The following BPTF variants were observed in gnomAD, a reference collection of about 807,000 sequenced individuals.
The protein encoded by BPTF is nucleosome-remodeling factor subunit BPTF.
A neutral mutation model predicts 292.5 loss-of-function variants in BPTF; 18 were observed. The ratio of observed to expected loss-of-function variants is 0.06; its 90% confidence interval spans 0.04 to 0.09. BPTF has a LOEUF of 0.09. Among genes scored for constraint, BPTF ranks in the 10% least tolerant of loss-of-function variants. The pLI, the probability that BPTF is intolerant of heterozygous loss-of-function variation, is 1.00. For missense variants in BPTF, 2,726 were observed against 3,498.7 expected (o/e 0.78, Z 5.57); for synonymous variants, 1,225 against 1,251.9 (o/e 0.98, Z 0.45).
chr17:67,972,387 C>G (rs1046748503), intron 26 of BPTF, among the ~76,000 whole-genome samples: 3 of 152,054 alleles, frequency 2.0e-5, no homozygotes, highest in Non-Finnish European at 4.4e-5. Context: ...AGGCGCCCAC[C>G]ACCATACCTA....
At chr17:67,924,076 G>A (rs2063666080) in intron 14 of BPTF, among the ~76,000 whole-genome samples, 1 of 152,008 alleles carries the variant, frequency 6.6e-6, no homozygotes, top group African/African-American at 2.4e-5. Flanking sequence ...TCGGCTCACT[G>A]CAAACTCCAC....
intron 1 of BPTF, among the ~76,000 whole-genome samples, chr17:67,850,295 C>T (rs191495222): frequency 1.3e-5 from 2 of 152,218 alleles, no homozygotes; most frequent in South Asian, 2.1e-4. Flanking sequence ...TGTATTCATC[C>T]GTAAGTAGTA....
At chr17:67,855,756 A>G (rs1009055271) in intron 2 of BPTF, among the ~76,000 whole-genome samples, 14 of 152,352 alleles carry the variant, frequency 9.2e-5, no homozygotes, top group African/African-American at 3.4e-4. Flanking sequence ...GAAGTCTTCA[A>G]AGCCCTCTTC....
chr17:67,903,964 G>A, intron 8 of BPTF, 46 bp downstream of exon 8: 1 of 1,507,334 alleles, frequency 6.6e-7, no homozygotes, highest in Non-Finnish European at 8.9e-7. Flanking sequence ...CCATTTCTGA[G>A]ACTTTTATTC....
chr17:67,976,716 T>TAAGAC (rs55890520), intron 27 of BPTF, among the ~76,000 whole-genome samples: 27,354 of 126,420 alleles, frequency 0.22, 4,336 homozygotes, highest in East Asian at 0.66. Context: ...AAAAAAAAAA[T>TAAGAC]AAGAATAAAA....
intron 3 of BPTF, among the ~76,000 whole-genome samples, chr17:67,872,662 C>A (rs1037923628): frequency 6.6e-6 from 1 of 151,576 alleles, no homozygotes; most frequent in African/African-American, 2.4e-5. Context: ...GTCGAGATCA[C>A]GCCACTGCAC....
chr17:67,977,241 A>C (rs1385220334), intron 27 of BPTF, among the ~76,000 whole-genome samples: 1 of 152,152 alleles, frequency 6.6e-6, no homozygotes, highest in Non-Finnish European at 1.5e-5. Context: ...TTGGCCAGGC[A>C]TGGTGGCTCA....
intron 26 of BPTF, among the ~76,000 whole-genome samples, chr17:67,967,432 A>G (rs1017610477): frequency 1.3e-5 from 2 of 151,878 alleles, no homozygotes. Context: ...GTGAGCCACC[A>G]TACCCGGCCA....
intron 9 of BPTF, among the ~76,000 whole-genome samples, chr17:67,909,267 G>T (rs986135186): frequency 8.1e-6 from 1 of 122,754 alleles, no homozygotes; most frequent in Non-Finnish European, 1.7e-5. Context: ...ACCGCACCAG[G>T]TCCCCCCCCC....
intron 1 of BPTF, among the ~76,000 whole-genome samples, chr17:67,844,070 C>CTTTTTTTTT (rs35407119): frequency 1.1e-5 from 1 of 94,352 alleles, no homozygotes; most frequent in East Asian, 4.3e-4. Flanking sequence ...CGGCCCCCGC[C>CTTTTTTTTT]TTTTTTTTTT....
intron 7 of BPTF, among the ~76,000 whole-genome samples, chr17:67,901,126 C>T (rs2061807299): frequency 6.6e-6 from 1 of 151,842 alleles, no homozygotes; most frequent in African/African-American, 2.4e-5. Context: ...TTTGAAGCTT[C>T]AATAATTTGT....
Position 67,826,067 on chromosome 17 carries a change from A to G in BPTF, c.343A>G (p.Thr115Ala). The G allele has an allele frequency of 7.8e-7, 1 of 1,274,342 alleles. No homozygotes were observed. The highest frequency in any genetic ancestry group is 2.9e-5 in the East Asian group (1 of 33,924). The allele number at this position is 1,274,342 out of a possible 1,614,324, so 78.9% of individuals were successfully genotyped here. Reference sequence around the variant, plus strand: ...CGGCGGCGGCCACCTGGCCCGGACCACCGCGGCCCGGAGGGCCGTCAACAA... The same window carrying G: ...CGGCGGCGGCCACCTGGCCCGGACCGCCGCGGCCCGGAGGGCCGTCAACAA... ...GGGGGHLART[T>A]AARRAVNKVV... The change falls in exon 1 of 28, where the codon ACC becomes GCC. Residue 115 changes from threonine to alanine, a missense_variant. By Grantham distance (58) the Thr-to-Ala change is moderately conservative. This residue lies in a region of BPTF where 153 missense variants were observed against 178.3 expected (regional missense o/e 0.86). Coordinates refer to ENST00000306378, the MANE Select transcript of BPTF (RefSeq NM_182641.4).
chr17:67,916,584 C>G (rs2063006733), intron 11 of BPTF, among the ~76,000 whole-genome samples: 1 of 151,162 alleles, frequency 6.6e-6, no homozygotes, highest in Admixed American at 6.6e-5. Flanking sequence ...GAGCAAAACT[C>G]CGTCTCAAAA....
intron 1 of BPTF, among the ~76,000 whole-genome samples, chr17:67,853,055 G>C (rs2058503849): frequency 6.6e-6 from 1 of 152,210 alleles, no homozygotes; most frequent in African/African-American, 2.4e-5. Context: ...AGACTCACTT[G>C]AACTTGAGAG....
In BPTF at chr17:67,866,598, G is replaced by A. The variant is rs542357232; in HGVS notation, c.1571G>A (p.Arg524His). ...AELCKILEEMREEIHRHMDIT... is the reference protein window; with the variant it reads ...AELCKILEEMHEEIHRHMDIT... ...CTCTGCAAAATTCTAGAAGAAATGC[G>A]TGAAGAAATCCACCGACACATGGAC... The change falls in exon 3 of 28, where the codon CGT becomes CAT. Residue 524 changes from arginine to histidine, a missense_variant. Transcript: ENST00000306378. The A allele has an allele frequency of 8.2e-5, 133 of 1,613,976 alleles. No individual in the cohort carries two copies. Among genetic ancestry groups the A allele is most frequent in the Non-Finnish European group, 9.8e-5 (116 of 1,179,892 alleles).
chr17:67,945,163 G>A (rs1266303067), intron 20 of BPTF, among the ~76,000 whole-genome samples: 2 of 152,038 alleles, frequency 1.3e-5, no homozygotes, highest in African/African-American at 2.4e-5. Flanking sequence ...AGCCTCCCAC[G>A]TAGCTTGGAC....
At position 67,825,742 on chromosome 17, in the gene BPTF, C is replaced by T. The variant is rs1302756027; in HGVS notation, c.18C>T (p.Gly6=). 1.9e-6 allele frequency: 2 copies of T among 1,038,448 alleles called. No individual in the cohort carries two copies. Among genetic ancestry groups the T allele is most frequent in the African/African-American group, 1.7e-5 (1 of 57,498 alleles). 64.3% of individuals were successfully genotyped at this position (1,038,448 alleles called of 1,614,324 possible). MRGRR[G]RPPKQPAAPA... is the part of the protein sequence containing the mutation. ...GCTCCGACATGAGGGGCCGGCGGGG[C>T]AGGCCGCCCAAGCAGCCCGCGGCTC... is the stretch of plus-strand genomic sequence containing the variant. The change falls in exon 1 of 28, where the codon GGC becomes GGT. Residue 6 remains glycine (G), a synonymous_variant. Coordinates refer to ENST00000306378, the MANE Select transcript of BPTF (RefSeq NM_182641.4).
chr17:67,915,905 T>A (rs923525225), intron 11 of BPTF, among the ~76,000 whole-genome samples: 2 of 152,182 alleles, frequency 1.3e-5, no homozygotes, highest in African/African-American at 4.8e-5. Flanking sequence ...AGACTTACCG[T>A]GCATGTGGTG....
chr17:67,900,173 C>T (rs548449804), intron 7 of BPTF, among the ~76,000 whole-genome samples: 32 of 152,210 alleles, frequency 2.1e-4, no homozygotes, highest in Admixed American at 3.9e-4. Flanking sequence ...GGCGCCATCT[C>T]GGCTCACTGC....
Sources: allele counts gnomAD v4.1 joint callset (sites outside exome capture counted in the v4.1 genomes callset), GRCh38; gene constraint gnomAD v4.1.1; regional missense constraint gnomAD v4.1.1; transcripts MANE v1.5; gene names NCBI Gene and HGNC (gene_info 2026-07-23, HGNC 2026-07-21).